SORL1: variants seen among roughly 807,000 people sequenced by gnomAD.
SORL1 encodes the protein sortilin-related receptor.
A neutral mutation model predicts 273.7 loss-of-function variants in SORL1; 127 were observed. The observed-to-expected ratio is 0.46, with a 90% CI of 0.40 to 0.54. The LOEUF is 0.54. Among genes scored for constraint, SORL1 ranks in the 20% least tolerant of loss-of-function variants. SORL1 has a pLI of 0.00. For synonymous variants in SORL1, 1,031 were observed against 1,067.4 expected (o/e 0.97, Z 0.66); for missense variants, 2,494 against 2,846.1 (o/e 0.88, Z 2.81).
At chr11:121,606,639 G>A (rs1288838241) in intron 35 of SORL1, among the ~76,000 whole-genome samples, 2 of 152,200 alleles carry the variant, frequency 1.3e-5, no homozygotes. Context: ...ACTGAGCCAT[G>A]ATGTGATGTG....
At position 121,627,269 on chromosome 11, in the gene SORL1, A is replaced by C. The variant is rs1565359720; in HGVS notation, c.6365-286A>C. Reference sequence around the variant, plus strand: ...GAAATCAATGTTGATACCCCAACAAAGGTCTCCCTTCCAAGAGATTATCTA... The same window carrying C: ...GAAATCAATGTTGATACCCCAACAACGGTCTCCCTTCCAAGAGATTATCTA... On this transcript the variant is annotated intron_variant, in intron 46 of 47. Coordinates refer to ENST00000260197, the MANE Select transcript of SORL1 (RefSeq NM_003105.6). This position sits in a 1 kb window ranked among gnomAD's most constrained non-coding sequence, Gnocchi z 4.9. The C allele has an allele frequency of 4.8e-6, 2 of 416,148 alleles. No individual in the cohort carries two copies. Among genetic ancestry groups the C allele is most frequent in the Non-Finnish European group, 8.7e-6 (2 of 229,442 alleles). 25.8% of individuals were successfully genotyped at this position (416,148 alleles called of 1,614,324 possible). A position where few individuals can be genotyped will look rare whatever the true frequency, so the allele number is the denominator to read the frequency against.
chr11:121,565,349 G>A (rs891934534), intron 21 of SORL1, among the ~76,000 whole-genome samples: 3 of 152,068 alleles, frequency 2.0e-5, no homozygotes, highest in Non-Finnish European at 4.4e-5. Context: ...TCATAATAAC[G>A]TTGTTGCCAT....
At chr11:121,564,355 C>T (rs1388147675) in intron 21 of SORL1, among the ~76,000 whole-genome samples, 1 of 152,106 alleles carries the variant, frequency 6.6e-6, no homozygotes, top group Non-Finnish European at 1.5e-5. Context: ...TGCAGTTTGC[C>T]CCTGGTTACT....
rs976848478 is a variant in SORL1 at position 121,621,092 on chromosome 11, T to A, written c.5918T>A (p.Ile1973Lys). Residue 1973 changes from isoleucine to lysine, a missense_variant, in exon 44 of 48, where the codon ATA becomes AAA. Transcript: ENST00000260197. ...LLYAVAVKDL[I>K]RKTDRSYKVK... ...TATGCAGTTGCAGTCAAAGATCTCA[T>A]AAGAAAGACTGACAGGAGCTACAAA... The A allele has an allele frequency of 6.2e-7, 1 of 1,612,706 alleles. No homozygotes were observed. The highest frequency in any genetic ancestry group is 1.7e-5 in the Admixed American group (1 of 59,862).
intron 45 of SORL1, among the ~76,000 whole-genome samples, chr11:121,624,123 A>G (rs967099782): frequency 6.6e-6 from 1 of 152,218 alleles, no homozygotes; most frequent in African/African-American, 2.4e-5. Flanking sequence ...TGATCCAGTG[A>G]TCTCTCACCG....
chr11:121,499,212 G>T (rs532330817), intron 6 of SORL1, among the ~76,000 whole-genome samples: 2 of 152,312 alleles, frequency 1.3e-5, no homozygotes, highest in South Asian at 2.1e-4. Context: ...TTAACTCTCT[G>T]TATGGCTTAT....
intron 42 of SORL1, among the ~76,000 whole-genome samples, chr11:121,619,395 T>C (rs995568972): frequency 6.6e-6 from 1 of 152,224 alleles, no homozygotes; most frequent in African/African-American, 2.4e-5. Flanking sequence ...ATCTCTACGC[T>C]ATATTATTAT....
intron 5 of SORL1, among the ~76,000 whole-genome samples, chr11:121,494,954 C>A (rs2134820407): frequency 6.6e-6 from 1 of 152,342 alleles, no homozygotes; most frequent in African/African-American, 2.4e-5. Context: ...CACACATGCA[C>A]ACAGAGGATC....
intron 6 of SORL1, among the ~76,000 whole-genome samples, chr11:121,510,305 T>C (rs1591305916): frequency 6.6e-6 from 1 of 152,318 alleles, no homozygotes; most frequent in South Asian, 2.1e-4. Flanking sequence ...AGACTAGAAA[T>C]AAAAATTGCT....
At chr11:121,470,547 G>A (rs879437541) in intron 2 of SORL1, among the ~76,000 whole-genome samples, 9 of 152,202 alleles carry the variant, frequency 5.9e-5, no homozygotes, top group Admixed American at 5.2e-4. Flanking sequence ...CTATAGCTGG[G>A]TATTTGTGAT....
intron 2 of SORL1, among the ~76,000 whole-genome samples, chr11:121,475,181 T>G (rs992652752): frequency 2.0e-5 from 3 of 152,114 alleles, no homozygotes; most frequent in African/African-American, 7.2e-5. Flanking sequence ...CTGGGAAGAT[T>G]GCTTGACCCC....
chr11:121,574,397 GGA>G, intron 24 of SORL1, 34 bp downstream of exon 24: 1 of 1,605,490 alleles, frequency 6.2e-7, no homozygotes, highest in Non-Finnish European at 8.5e-7. Flanking sequence ...ACCCTGCTCT[GGA>G]GAGGGGGGTC....
rs549552195 is a variant in SORL1 at position 121,502,387 on chromosome 11, C to T, written c.939+5338C>T. Among the ~76,000 whole-genome samples, 7 of 152,210 alleles carry T rather than the reference C, an allele frequency of 4.6e-5. No homozygotes were observed. The South Asian group carries it at 1.0e-3, about 23-fold the overall frequency. ...TCTTAACCTCGTGATCCACCCACCTCGGACTCCCAAAGTGCTGGGATTACA... is the reference window on the plus strand; with the variant it reads ...TCTTAACCTCGTGATCCACCCACCTTGGACTCCCAAAGTGCTGGGATTACA... On this transcript the variant is annotated intron_variant, in intron 6 of 47. Transcript: ENST00000260197.
At chr11:121,470,470 G>A (rs1861150961) in intron 2 of SORL1, among the ~76,000 whole-genome samples, 1 of 152,226 alleles carries the variant, frequency 6.6e-6, no homozygotes, top group South Asian at 2.1e-4. Flanking sequence ...TTTCCCATAT[G>A]CTGGTTTCTT....
chr11:121,614,780 TATTTTTTTTTA>T lies in SORL1; in HGVS notation c.5420-89_5420-79del. ...GGACTCATTTAAGTCAAGAGATTAC[TATTTTTTTTTA>T]AAAAAGTGCATGTACCAAGACACGT... is the stretch of plus-strand genomic sequence containing the variant. On this transcript the variant is annotated intron_variant, in intron 40 of 47. Transcript: ENST00000260197. 4 of 988,196 alleles carry T rather than the reference TATTTTTTTTTA, an allele frequency of 4.0e-6. No individual in the cohort carries two copies. In the South Asian group the frequency reaches 4.1e-5, roughly 10 times the overall value. The allele number at this position is 988,196 out of a possible 1,614,324, so 61.2% of individuals were successfully genotyped here.
At chr11:121,616,650 A>G (rs1863646379) in intron 41 of SORL1, among the ~76,000 whole-genome samples, 1 of 152,092 alleles carries the variant, frequency 6.6e-6, no homozygotes, top group South Asian at 2.1e-4. Context: ...TCTCTTTCCT[A>G]CATCCTCCCA....
chr11:121,530,059 A>C (rs935553634), intron 11 of SORL1, among the ~76,000 whole-genome samples: 1 of 152,166 alleles, frequency 6.6e-6, no homozygotes, highest in African/African-American at 2.4e-5. Flanking sequence ...TTAACGTAAA[A>C]TTTAGAACCC....
In SORL1 at chr11:121,629,647, T is replaced by C; in HGVS notation, c.*84T>C. On this transcript the variant is annotated 3_prime_UTR_variant, in exon 48 of 48. Coordinates refer to ENST00000260197, the MANE Select transcript of SORL1 (RefSeq NM_003105.6). ...GATGGTTTATTTTAAAAGATGCACT[T>C]TGAGTTGCAATATGTTATTTTTATA... The C allele has an allele frequency of 2.8e-6, 2 of 723,966 alleles. No homozygotes were observed. The highest frequency in any genetic ancestry group is 5.0e-6 in the Non-Finnish European group (2 of 403,928). 44.8% of individuals were successfully genotyped at this position (723,966 alleles called of 1,614,324 possible).
intron 6 of SORL1, among the ~76,000 whole-genome samples, chr11:121,509,962 C>G (rs924165602): frequency 6.6e-6 from 1 of 152,248 alleles, no homozygotes. Flanking sequence ...TGATAGCTAT[C>G]AAAAATACAA....
Sources: allele counts gnomAD v4.1 joint callset (sites outside exome capture counted in the v4.1 genomes callset), GRCh38; gene constraint gnomAD v4.1.1; non-coding constraint Gnocchi (gnomAD v3.1); transcripts MANE v1.5; gene names NCBI Gene and HGNC (gene_info 2026-07-23, HGNC 2026-07-21).